The following CNTN5 variants were observed in gnomAD, a reference collection of about 807,000 sequenced individuals.
The protein encoded by CNTN5 is contactin 5, also known as contactin-5.
CNTN5 carries 77 observed loss-of-function variants against 129.1 expected under a neutral mutation model. The observed-to-expected ratio is 0.60, with a 90% confidence interval of 0.50 to 0.72. CNTN5 has a LOEUF of 0.72. CNTN5 is among the 30% of genes least tolerant of loss of function. The pLI, the probability that CNTN5 is intolerant of heterozygous loss-of-function variation, is 0.00. For synonymous variants in CNTN5, 509 were observed against 465.6 expected (o/e 1.09, Z -1.20); for missense variants, 1,478 against 1,328.8 (o/e 1.11, Z -1.75).
intron 1 of CNTN5, among the ~76,000 whole-genome samples, chr11:99,174,077 C>A (rs1857660062): frequency 2.0e-5 from 3 of 152,224 alleles, no homozygotes; most frequent in Middle Eastern, 3.4e-3. Context: ...TGGCTCACTG[C>A]AATCACCGCC....
intron 3 of CNTN5, among the ~76,000 whole-genome samples, chr11:99,579,359 C>A (rs1433675414): frequency 2.6e-5 from 4 of 151,410 alleles, no homozygotes; most frequent in African/African-American, 9.7e-5. Context: ...TTTTCCAATT[C>A]TGTGAAGAAA....
intron 3 of CNTN5, among the ~76,000 whole-genome samples, chr11:99,588,796 A>G (rs1949888486): frequency 6.6e-6 from 1 of 152,190 alleles, no homozygotes. Flanking sequence ...AGCAGGTCTC[A>G]CCACAGACCA....
intron 3 of CNTN5, among the ~76,000 whole-genome samples, chr11:99,792,003 G>C (rs1945761166): frequency 6.6e-6 from 1 of 152,078 alleles, no homozygotes; most frequent in Non-Finnish European, 1.5e-5. Context: ...TTTTGGTGGG[G>C]TCTTTAGGGC....
chr11:99,295,797 AC>A (rs1180582857), intron 1 of CNTN5, among the ~76,000 whole-genome samples: 2 of 149,426 alleles, frequency 1.3e-5, no homozygotes, highest in Non-Finnish European at 3.0e-5. Flanking sequence ...AATGGCGTGA[AC>A]CCAGGAAGCA....
chr11:99,192,444 A>C (rs888704082), intron 1 of CNTN5, among the ~76,000 whole-genome samples: 6 of 151,754 alleles, frequency 4.0e-5, no homozygotes, highest in African/African-American at 1.4e-4. Flanking sequence ...TTAATGGAAA[A>C]GTCAATTGCA....
intron 2 of CNTN5, among the ~76,000 whole-genome samples, chr11:99,446,075 A>G (rs1359260610): frequency 9.0e-6 from 1 of 110,576 alleles, no homozygotes; most frequent in Non-Finnish European, 1.8e-5. Context: ...GAAGAGCGAG[A>G]CTTTGTCATT....
intron 13 of CNTN5, among the ~76,000 whole-genome samples, chr11:100,168,837 T>C (rs1333774880): frequency 1.3e-5 from 2 of 151,962 alleles, no homozygotes; most frequent in Non-Finnish European, 2.9e-5. Flanking sequence ...GGAAAATGTT[T>C]ACCATTGTAG....
chr11:99,928,942 G>A (rs909126134), intron 7 of CNTN5, among the ~76,000 whole-genome samples: 3 of 152,222 alleles, frequency 2.0e-5, no homozygotes, highest in Non-Finnish European at 4.4e-5. Context: ...CTTTATGAAT[G>A]CATAAAACCA....
chr11:99,806,186 A>G (rs113362237), intron 3 of CNTN5, among the ~76,000 whole-genome samples: 1 of 152,154 alleles, frequency 6.6e-6, no homozygotes, highest in African/African-American at 2.4e-5. Context: ...TTCTCCCTCC[A>G]ATGACAAACT....
At chr11:99,237,969 A>G (rs1334717913) in intron 1 of CNTN5, among the ~76,000 whole-genome samples, 1 of 152,152 alleles carries the variant, frequency 6.6e-6, no homozygotes, top group African/African-American at 2.4e-5. Flanking sequence ...CATTTTTCCT[A>G]AACTGCTATG....
At chr11:99,429,177 C>G (rs1382898120) in intron 2 of CNTN5, among the ~76,000 whole-genome samples, 3 of 150,588 alleles carry the variant, frequency 2.0e-5, no homozygotes, top group Admixed American at 6.7e-5. Context: ...TTGCTTAAGT[C>G]ATGTGAACTT....
intron 4 of CNTN5, among the ~76,000 whole-genome samples, chr11:99,825,935 A>T (rs899185268): frequency 1.3e-5 from 2 of 152,244 alleles, no homozygotes; most frequent in African/African-American, 2.4e-5. Flanking sequence ...AGAAAATACA[A>T]CATCTTTCTT....
At chr11:99,859,604 T>C (rs1333890976) in intron 6 of CNTN5, among the ~76,000 whole-genome samples, 2 of 152,230 alleles carry the variant, frequency 1.3e-5, no homozygotes, top group Admixed American at 6.5e-5. Context: ...CGTGTGGTAT[T>C]TGATTTTCTG....
chr11:99,124,423 T>G (rs78821502), intron 1 of CNTN5, among the ~76,000 whole-genome samples: 2,432 of 152,118 alleles, frequency 0.016, 53 homozygotes, highest in African/African-American at 0.054. Flanking sequence ...TCAGGGAGCT[T>G]TTCTGCAGAG....
At chr11:100,345,036 C>T (rs1952248534) in intron 23 of CNTN5, among the ~76,000 whole-genome samples, 1 of 152,042 alleles carries the variant, frequency 6.6e-6, no homozygotes, top group Non-Finnish European at 1.5e-5. Context: ...GATAAAACAG[C>T]AGAATTTGAC....
chr11:99,308,319 A>G (rs1222732293), intron 1 of CNTN5, among the ~76,000 whole-genome samples: 5 of 152,236 alleles, frequency 3.3e-5, no homozygotes, highest in Admixed American at 2.6e-4. Flanking sequence ...AAGCAAAACA[A>G]CATTATATTT....
At position 99,590,692 on chromosome 11, in the gene CNTN5, T is replaced by C. The variant is rs187867068; in HGVS notation, c.55+34423T>C. Among the ~76,000 whole-genome samples, 12 of 151,228 alleles carry C rather than the reference T, an allele frequency of 7.9e-5. No individual in the cohort carries two copies. The East Asian group carries it at 1.6e-3, about 20-fold the overall frequency. ...ATGCAAAGGCTATGGCAGGAAAGAGTTTAGAGTAAGAAATGAAAAGGAGGC... is the reference window on the plus strand; with the variant it reads ...ATGCAAAGGCTATGGCAGGAAAGAGCTTAGAGTAAGAAATGAAAAGGAGGC... On this transcript the variant is annotated intron_variant, in intron 3 of 24. Coordinates refer to ENST00000524871, the MANE Select transcript of CNTN5 (RefSeq NM_014361.4).
At chr11:99,942,895 C>T (rs997755417) in intron 7 of CNTN5, among the ~76,000 whole-genome samples, 2 of 151,812 alleles carry the variant, frequency 1.3e-5, no homozygotes, top group South Asian at 2.1e-4. Context: ...CCATATGTAC[C>T]ACATATGGAA....
chr11:99,982,959 T>C (rs985246690), intron 8 of CNTN5, among the ~76,000 whole-genome samples: 40 of 152,052 alleles, frequency 2.6e-4, no homozygotes, highest in South Asian at 1.2e-3. Flanking sequence ...ACATAGTCAA[T>C]GAGAGAAACC....
Sources: gnomAD v4.1 joint callset for allele counts (sites outside exome capture counted in the v4.1 genomes callset) on GRCh38, gnomAD v4.1.1 for gene constraint, MANE v1.5 for transcripts, NCBI Gene and HGNC (gene_info 2026-07-23, HGNC 2026-07-21) for gene names.